The following RFX7 variants were observed in gnomAD, a reference collection of about 807,000 sequenced individuals.
RFX7 encodes the protein DNA-binding protein RFX7.
RFX7 carries 26 observed loss-of-function variants against 111.8 expected under a neutral mutation model. The ratio of observed to expected loss-of-function variants is 0.23; its 90% CI spans 0.17 to 0.32. The LOEUF (loss-of-function observed/expected upper bound fraction) is 0.32. RFX7 is among the 10% of genes least tolerant of loss of function. The probability of loss-of-function intolerance (pLI) is 1.00; values close to 1 mark genes in which losing one functional copy is unlikely to be tolerated. For synonymous variants in RFX7, 624 were observed against 624.4 expected (o/e 1.00, Z 0.01); for missense variants, 1,573 against 1,772.9 (o/e 0.89, Z 2.02).
intron 5 of RFX7, among the ~76,000 whole-genome samples, chr15:56,106,038 C>T (rs773768943): frequency 2.0e-5 from 3 of 152,144 alleles, no homozygotes; most frequent in Admixed American, 1.3e-4. Context: ...AGTCTAAAGT[C>T]CATACAGCAG....
chr15:56,118,490 C>T (rs2042036677), intron 5 of RFX7, among the ~76,000 whole-genome samples: 1 of 152,184 alleles, frequency 6.6e-6, no homozygotes, highest in Admixed American at 6.5e-5. Flanking sequence ...TAGTGACCTC[C>T]AGTTCCATCC....
At chr15:56,219,467 T>C (rs1228408999) in intron 2 of RFX7, among the ~76,000 whole-genome samples, 3 of 152,212 alleles carry the variant, frequency 2.0e-5, no homozygotes, top group Non-Finnish European at 2.9e-5. Flanking sequence ...GATTATTTTG[T>C]TACCTAGGCA....
At chr15:56,172,078 G>A (rs2042851542) in intron 3 of RFX7, among the ~76,000 whole-genome samples, 1 of 152,100 alleles carries the variant, frequency 6.6e-6, no homozygotes, top group African/African-American at 2.4e-5. Context: ...TACCAAACTG[G>A]GGGGATGAGG....
chr15:56,243,199 G>C lies in RFX7; in HGVS notation c.87C>G (p.Ala29=). Residue 29 remains alanine (A), a synonymous_variant, in exon 2 of 10, where the codon GCC becomes GCG. Transcript: ENST00000559447. ...LPPSAPNSGV[A]LPALVPGLPG... ...GCAGCCCGGGCACAAGGGCTGGCAGGGCCACCCCCGAGTTGGGGGCGCTGG... is the reference window on the plus strand; with the variant it reads ...GCAGCCCGGGCACAAGGGCTGGCAGCGCCACCCCCGAGTTGGGGGCGCTGG... The C allele has an allele frequency of 7.4e-7, 1 of 1,345,636 alleles. No homozygotes were observed. Among genetic ancestry groups the C allele is most frequent in the Non-Finnish European group, 9.9e-7 (1 of 1,011,866 alleles). The allele number at this position is 1,345,636 out of a possible 1,614,324, so 83.4% of individuals were successfully genotyped here. A position where few individuals can be genotyped will look rare whatever the true frequency, so the allele number is the denominator to read the frequency against.
chr15:56,150,806 G>A (rs929982471), intron 3 of RFX7, among the ~76,000 whole-genome samples: 8 of 152,132 alleles, frequency 5.3e-5, no homozygotes, highest in Admixed American at 3.3e-4. Context: ...ATGCAAGGAA[G>A]CTAATAACCT....
chr15:56,243,602 G>T lies in RFX7; in HGVS notation c.-160C>A. ...CCGCCTCCTCCCGTCAGCGGCCGGG[G>T]CTGTGGGGGGGTGAGATGGGGGCGT... is the stretch of plus-strand genomic sequence containing the variant. On this transcript the variant is annotated 5_prime_UTR_variant, in exon 1 of 10. Transcript: ENST00000559447. The T allele has an allele frequency of 4.2e-6, 2 of 475,266 alleles. No individual in the cohort carries two copies. The highest frequency in any genetic ancestry group is 5.5e-6 in the Non-Finnish European group (2 of 365,394). 29.4% of individuals were successfully genotyped at this position (475,266 alleles called of 1,614,324 possible).
intron 2 of RFX7, among the ~76,000 whole-genome samples, chr15:56,183,806 G>C (rs1466935262): frequency 3.3e-5 from 5 of 150,552 alleles, no homozygotes; most frequent in African/African-American, 1.2e-4. Flanking sequence ...AGGTTGAATG[G>C]GAGAAGATGA....
chr15:56,157,818 A>G (rs1413177615), intron 3 of RFX7, among the ~76,000 whole-genome samples: 1 of 152,188 alleles, frequency 6.6e-6, no homozygotes, highest in African/African-American at 2.4e-5. Context: ...GACCTCAATG[A>G]TCTGCCCGCC....
At chr15:56,214,067 G>C (rs1332263175) in intron 2 of RFX7, among the ~76,000 whole-genome samples, 1 of 152,064 alleles carries the variant, frequency 6.6e-6, no homozygotes, top group Non-Finnish European at 1.5e-5. Context: ...CATCATGCAT[G>C]AGTTTTTTTC....
intron 5 of RFX7, among the ~76,000 whole-genome samples, chr15:56,115,404 G>C (rs761158156): frequency 2.0e-5 from 3 of 152,136 alleles, no homozygotes; most frequent in Non-Finnish European, 2.9e-5. Flanking sequence ...AATCCATACA[G>C]ACAGAAAGAT....
intron 5 of RFX7, among the ~76,000 whole-genome samples, chr15:56,104,274 A>G (rs1420927318): frequency 6.6e-6 from 1 of 152,176 alleles, no homozygotes; most frequent in Non-Finnish European, 1.5e-5. Context: ...AGTAACTTCA[A>G]GTGGGATCTG....
In RFX7 at chr15:56,093,246, C is replaced by A; in HGVS notation, c.*99G>T. On this transcript the variant is annotated 3_prime_UTR_variant, in exon 10 of 10. Coordinates refer to ENST00000559447, the MANE Select transcript of RFX7 (RefSeq NM_022841.7). Reference sequence around the variant, plus strand: ...TCTGCAGCAAACGCTTTTAAAATGTCACAATTAATAGTATTTCTGCTGCGG... The same window carrying A: ...TCTGCAGCAAACGCTTTTAAAATGTAACAATTAATAGTATTTCTGCTGCGG... The A allele has an allele frequency of 9.1e-7, 1 of 1,093,118 alleles. No homozygotes were observed. Among genetic ancestry groups the A allele is most frequent in the South Asian group, 1.8e-5 (1 of 55,880 alleles). 67.7% of individuals were successfully genotyped at this position (1,093,118 alleles called of 1,614,324 possible).
chr15:56,148,649 G>A (rs927521422), intron 3 of RFX7, among the ~76,000 whole-genome samples: 24 of 152,140 alleles, frequency 1.6e-4, no homozygotes, highest in Non-Finnish European at 1.2e-4. Context: ...AAGTGTAGAG[G>A]TGAAGAAAAC....
At position 56,093,387 on chromosome 15, in the gene RFX7, C is replaced by G. The variant is rs2041621440; in HGVS notation, c.4341G>C (p.Trp1447Cys). ...CAGTAGGATGGTCCTTGCTTTCTAT[C>G]CATTCAAAACCTGATGAAGTCATAG... ...MNSMTSSGFE[W>C]IESKDHPTVE... The change falls in exon 10 of 10, where the codon TGG (tryptophan) becomes TGC (cysteine). Residue 1447 changes from tryptophan to cysteine, a missense_variant. Trp to Cys is a radical substitution (Grantham distance 215). Transcript: ENST00000559447. 1 of 1,613,128 alleles carries G rather than the reference C, an allele frequency of 6.2e-7. No homozygotes were observed.
chr15:56,191,703 A>C (rs2043102286), intron 2 of RFX7, among the ~76,000 whole-genome samples: 1 of 152,176 alleles, frequency 6.6e-6, no homozygotes, highest in Non-Finnish European at 1.5e-5. Flanking sequence ...AAAAAAAACC[A>C]GACAGATAGT....
intron 3 of RFX7, among the ~76,000 whole-genome samples, chr15:56,169,700 C>CTTTTT (rs35597885): frequency 2.7e-3 from 257 of 96,668 alleles, no homozygotes; most frequent in Non-Finnish European, 2.9e-3. Flanking sequence ...CTAGTCAGTT[C>CTTTTT]TTTTTTTTTT....
rs140083232 is a variant in RFX7, at chr15:56,097,958, C to T, written c.1107+123G>A. 7.3e-4 allele frequency: 552 copies of T among 751,878 alleles called. 1 individual carries two copies. The African/African-American group carries it at 7.8e-3, about 11-fold the overall frequency. The allele number at this position is 751,878 out of a possible 1,614,324, so 46.6% of individuals were successfully genotyped here. ...AAAAGACTGAAGGGGAATGAATCTT[C>T]CTGTGGTCACAAAATCAGTTTGTGG... is the stretch of plus-strand genomic sequence containing the variant. On this transcript the variant is annotated intron_variant, in intron 9 of 9. Coordinates refer to ENST00000559447, the MANE Select transcript of RFX7 (RefSeq NM_022841.7).
At chr15:56,110,287 C>A (rs1251371851) in intron 5 of RFX7, among the ~76,000 whole-genome samples, 1 of 100,266 alleles carries the variant, frequency 1.0e-5, no homozygotes, top group Non-Finnish European at 2.2e-5. Flanking sequence ...CAGCCCCCCG[C>A]CTGGCCAGCC....
intron 5 of RFX7, among the ~76,000 whole-genome samples, chr15:56,120,667 A>G (rs2042066027): frequency 6.6e-6 from 1 of 152,148 alleles, no homozygotes; most frequent in African/African-American, 2.4e-5. Flanking sequence ...TGTTCATTCT[A>G]TGCCCAGTTT....
Sources: allele counts gnomAD v4.1 joint callset (sites outside exome capture counted in the v4.1 genomes callset), GRCh38; gene constraint gnomAD v4.1.1; transcripts MANE v1.5; gene names NCBI Gene and HGNC (gene_info 2026-07-23, HGNC 2026-07-21).